The following TTLL1 variants were observed in gnomAD, a reference collection of about 807,000 sequenced individuals.
TTLL1 encodes the protein TTL family tubulin polyglutamylase complex subunit L1.
In TTLL1, 33 loss-of-function variants were observed where a neutral mutation model predicts 47.8. That is an observed-to-expected ratio of 0.69 (90% CI 0.52 to 0.92). TTLL1 has a LOEUF of 0.92. TTLL1 is among the 40% of genes least tolerant of loss of function. The pLI, the probability that TTLL1 is intolerant of heterozygous loss-of-function variation, is 0.00. For missense variants in TTLL1, 488 were observed against 547.5 expected, an observed-to-expected ratio of 0.89 and a Z score of 1.08; for synonymous variants, 225 against 214.1, an observed-to-expected ratio of 1.05 and a Z score of -0.45.
At chr22:43,083,081 T>C (rs1035145690) in intron 1 of TTLL1, among the ~76,000 whole-genome samples, 4 of 150,480 alleles carry the variant, frequency 2.7e-5, no homozygotes, top group Non-Finnish European at 5.9e-5. Flanking sequence ...AAAATACATA[T>C]ATAGGCTGGG....
At chr22:43,041,092 G>C (rs1399397597) in intron 10 of TTLL1, 1 of 152,282 alleles carries the variant, frequency 6.6e-6, no homozygotes, top group East Asian at 1.9e-4. Flanking sequence ...CTTCCTATGG[G>C]GGGAAACTGG....
chr22:43,076,248 G>A (rs1928477554), intron 2 of TTLL1, among the ~76,000 whole-genome samples: 1 of 147,562 alleles, frequency 6.8e-6, no homozygotes, highest in Non-Finnish European at 1.5e-5. Context: ...CTGAGGTTGG[G>A]AGTTCAAGAC....
At chr22:43,088,324 CT>C (rs1167618669) in intron 1 of TTLL1, among the ~76,000 whole-genome samples, 102 of 56,468 alleles carry the variant, frequency 1.8e-3, no homozygotes, top group Middle Eastern at 0.017. Context: ...AAGGGCCCAT[CT>C]TTTTTTTTTT....
At chr22:43,065,913 C>A (rs1191790618) in intron 5 of TTLL1, among the ~76,000 whole-genome samples, 1 of 152,072 alleles carries the variant, frequency 6.6e-6, no homozygotes, top group Non-Finnish European at 1.5e-5. Flanking sequence ...GTAATCCCAG[C>A]ACTTTGGGAA....
intron 9 of TTLL1, among the ~76,000 whole-genome samples, chr22:43,048,295 TCA>T (rs1353912628): frequency 6.7e-6 from 1 of 148,896 alleles, no homozygotes; most frequent in African/African-American, 2.5e-5. Flanking sequence ...CCAGCCTGGG[TCA>T]CAGAGTGAGA....
intron 9 of TTLL1, among the ~76,000 whole-genome samples, chr22:43,047,872 A>T (rs1926267921): frequency 6.6e-6 from 1 of 152,158 alleles, no homozygotes; most frequent in Non-Finnish European, 1.5e-5. Flanking sequence ...AGCTGTTTAC[A>T]TTTCTCCCAG....
At chr22:43,077,476 C>T (rs77428895) in intron 2 of TTLL1, among the ~76,000 whole-genome samples, 3,900 of 152,288 alleles carry the variant, frequency 0.026, 101 homozygotes, top group Admixed American at 0.09. Flanking sequence ...GCTGTCCCTG[C>T]TGGGGGCCAG....
rs10529079 is a variant in TTLL1 at position 43,080,902 on chromosome 22, C to CTTTTTTTTTTTTTTTTTTTTTTT, written c.-89-939_-89-917dup. Among the ~76,000 whole-genome samples the CTTTTTTTTTTTTTTTTTTTTTTT allele has an allele frequency of 7.2e-5, 5 of 69,302 alleles. 2 individuals carry two copies. The highest frequency in any genetic ancestry group is 5.6e-4 in the South Asian group (1 of 1,780). The allele number at this position is 69,302 out of a possible 152,430, so 45.5% of individuals were successfully genotyped here. On this transcript the variant is annotated intron_variant, in intron 1 of 10. Transcript: ENST00000266254. ...GTCACCTGTTCCCAGTGTTGCATGACTTTTTTTTTTTTTTTTTTTTTTTTT... is the reference window on the plus strand; with the variant it reads ...GTCACCTGTTCCCAGTGTTGCATGACTTTTTTTTTTTTTTTTTTTTTTTTTTTTTTTTTTTTTTTTTTTTTTTT...
At chr22:43,063,779 A>G in intron 7 of TTLL1, 34 bp downstream of exon 7, 1 of 1,604,628 alleles carries the variant, frequency 6.2e-7, no homozygotes, top group Non-Finnish European at 8.5e-7. Flanking sequence ...AAGTCAGTCC[A>G]TTTCTGTAAG....
chr22:43,053,682 A>G (rs1286867662), intron 8 of TTLL1, among the ~76,000 whole-genome samples: 1 of 152,192 alleles, frequency 6.6e-6, no homozygotes, highest in Non-Finnish European at 1.5e-5. Flanking sequence ...CATGCCTGGT[A>G]AAAACCAGGT....
chr22:43,083,002 A>C (rs1248996317), intron 1 of TTLL1, among the ~76,000 whole-genome samples: 1 of 150,138 alleles, frequency 6.7e-6, no homozygotes, highest in East Asian at 1.9e-4. Context: ...TGACAAGAAC[A>C]AAACTCTGTC....
Position 43,039,749 on chromosome 22 carries a change from G to T in TTLL1, c.*27C>A. The T allele has an allele frequency of 6.4e-7, 1 of 1,567,306 alleles. No homozygotes were observed. The highest frequency in any genetic ancestry group is 8.7e-7 in the Non-Finnish European group (1 of 1,152,650). On this transcript the variant is annotated 3_prime_UTR_variant, in exon 11 of 11. Coordinates refer to ENST00000266254, the MANE Select transcript of TTLL1 (RefSeq NM_012263.5). ...TTCAGCAGGGGCCCAGGTGGAGTGA[G>T]TAGTTTTGATAAGGTCCAGGTGGGA...
intron 1 of TTLL1, among the ~76,000 whole-genome samples, chr22:43,084,532 T>C (rs5759152): frequency 0.74 from 111,501 of 150,278 alleles, 41,549 homozygotes; most frequent in Middle Eastern, 0.87. Context: ...GATGGAGTCT[T>C]GCTCAATCGC....
chr22:43,069,898 T>G (rs2146981487), intron 3 of TTLL1, 54 bp from the exon 4 acceptor site: 3 of 1,599,448 alleles, frequency 1.9e-6, no homozygotes, highest in Non-Finnish European at 2.6e-6. Flanking sequence ...GTGGCAGAAG[T>G]CCTTTGTTCC....
chr22:43,075,525 T>A lies in TTLL1; in HGVS notation c.62A>T (p.Glu21Val), dbSNP rs1346788843. The A allele has an allele frequency of 6.2e-7, 1 of 1,614,190 alleles. No individual in the cohort carries two copies. The highest frequency in any genetic ancestry group is 2.2e-5 in the East Asian group (1 of 44,878). ...IEKSVLINNF[E>V]KRGWVQVTEN... is the part of the protein sequence containing the mutation. ...TGTCACTTGGACCCATCCTCTCTTTTCAAAGTTATTGATCAGCACTGACTT... is the reference window on the plus strand; with the variant it reads ...TGTCACTTGGACCCATCCTCTCTTTACAAAGTTATTGATCAGCACTGACTT... The change falls in exon 3 of 11, where the codon GAA becomes GTA. Residue 21 changes from glutamate (E) to valine (V), a missense_variant. Glu to Val is a moderately radical substitution (Grantham distance 121). Transcript: ENST00000266254.
chr22:43,063,769 AAGTC>A, intron 7 of TTLL1, 40 bp downstream of exon 7: 1 of 1,586,658 alleles, frequency 6.3e-7, no homozygotes, highest in South Asian at 1.1e-5. Context: ...CCCGGCCTGA[AAGTC>A]AGTCCATTTC....
chr22:43,072,748 A>G lies in TTLL1; in HGVS notation c.113+2726T>C, dbSNP rs927398020. 2.1e-4 allele frequency among the ~76,000 whole-genome samples: 32 copies of G among 152,316 alleles called. 1 individual carries two copies. The South Asian group carries it at 6.6e-3, about 32-fold the overall frequency. ...CCACCTCCCAAAAGGCTGGGATTACAGGCATGAGTCACTGCACCCAGGCAC... is the reference window on the plus strand; with the variant it reads ...CCACCTCCCAAAAGGCTGGGATTACGGGCATGAGTCACTGCACCCAGGCAC... On this transcript the variant is annotated intron_variant, in intron 3 of 10. Coordinates refer to ENST00000266254, the MANE Select transcript of TTLL1 (RefSeq NM_012263.5).
chr22:43,077,007 A>T (rs1305612053), intron 2 of TTLL1, among the ~76,000 whole-genome samples: 5 of 152,010 alleles, frequency 3.3e-5, no homozygotes, highest in Non-Finnish European at 5.9e-5. Flanking sequence ...AGGCTGAGGC[A>T]GGAGAATGGT....
chr22:43,070,317 G>A, intron 3 of TTLL1: 8 of 688,260 alleles, frequency 1.2e-5, no homozygotes, highest in Non-Finnish European at 1.8e-5. Context: ...GTCTGCTGAA[G>A]GGGCAAGTTG....
Sources: allele counts gnomAD v4.1 joint callset (sites outside exome capture counted in the v4.1 genomes callset), GRCh38; gene constraint gnomAD v4.1.1; transcripts MANE v1.5; gene names NCBI Gene and HGNC (gene_info 2026-07-23, HGNC 2026-07-21).